The following CHSY1 variants were observed in gnomAD, a reference collection of about 807,000 sequenced individuals.
CHSY1 encodes chondroitin sulfate synthase 1.
CHSY1 carries 13 observed loss-of-function variants against 59.8 expected under a neutral mutation model. That is an observed-to-expected ratio of 0.22 (90% CI 0.14 to 0.35). CHSY1 has a LOEUF of 0.35. Among genes scored for constraint, CHSY1 ranks in the 10% least tolerant of loss-of-function variants. The pLI is 1.00. For synonymous variants in CHSY1, 459 were observed against 401.2 expected (o/e 1.14, Z -1.72); for missense variants, 947 against 1,030.6 (o/e 0.92, Z 1.11).
intron 1 of CHSY1, among the ~76,000 whole-genome samples, chr15:101,248,856 G>A (rs1324941755): frequency 6.6e-6 from 1 of 151,904 alleles, no homozygotes; most frequent in Admixed American, 6.6e-5. Context: ...ACGCAATCTC[G>A]GGTCACAGCA....
In CHSY1 at chr15:101,251,249, G is replaced by A. The variant is rs756078543; in HGVS notation, c.208C>T (p.Leu70Phe). ...GARGDARGAQ[L>F]WPPGSDPDGG... The stretch of plus-strand genomic sequence containing the variant: ...TCTGGGTCCGAGCCGGGCGGCCAGA[G>A]CTGCGCCCCGCGCGCATCGCCGCGC... The change falls in exon 1 of 3, where the codon CTC becomes TTC. Residue 70 changes from leucine to phenylalanine, a missense_variant. By Grantham distance (22) the Leu-to-Phe change is conservative. This residue lies in a region of CHSY1 where 232 missense variants were observed against 188.5 expected (regional missense o/e 1.23). Coordinates refer to ENST00000254190, the MANE Select transcript of CHSY1 (RefSeq NM_014918.5). 16 of 1,443,926 alleles carry A rather than the reference G, an allele frequency of 1.1e-5. No homozygotes were observed. In the African/African-American group the frequency reaches 1.5e-4, roughly 13 times the overall value. 89.4% of individuals were successfully genotyped at this position (1,443,926 alleles called of 1,614,324 possible). A position where few individuals can be genotyped will look rare whatever the true frequency, so the allele number is the denominator to read the frequency against.
chr15:101,243,483 C>T (rs1419737716), intron 1 of CHSY1, among the ~76,000 whole-genome samples: 1 of 152,154 alleles, frequency 6.6e-6, no homozygotes, highest in Non-Finnish European at 1.5e-5. Context: ...ACTGAGGCAC[C>T]GTCCTCTATA....
At chr15:101,240,167 GT>G (rs2038988361) in intron 1 of CHSY1, among the ~76,000 whole-genome samples, 2 of 152,158 alleles carry the variant, frequency 1.3e-5, no homozygotes, top group African/African-American at 4.8e-5. Flanking sequence ...TCAAGTCTTT[GT>G]AAACCCTCCA....
chr15:101,212,687 A>G (rs778072330), intron 2 of CHSY1, among the ~76,000 whole-genome samples: 2 of 152,234 alleles, frequency 1.3e-5, no homozygotes, highest in Non-Finnish European at 1.5e-5. Flanking sequence ...GGGTTACTAC[A>G]TGTGTATGCA....
At position 101,248,262 on chromosome 15, in the gene CHSY1, G is replaced by T. The variant is rs74332683; in HGVS notation, c.320+2875C>A. Among the ~76,000 whole-genome samples the T allele has an allele frequency of 3.0e-3, 464 of 152,248 alleles. 4 individuals are homozygous for T. The highest frequency in any genetic ancestry group is 0.011 in the African/African-American group (447 of 41,542). On this transcript the variant is annotated intron_variant, in intron 1 of 2. Transcript: ENST00000254190. The stretch of plus-strand genomic sequence containing the variant: ...TGGGCTGCAAAGCACAGTAAAACTG[G>T]AATCATATGTTATACCCTATAACCT...
At chr15:101,194,148 C>T (rs1418387476) in intron 2 of CHSY1, among the ~76,000 whole-genome samples, 2 of 152,224 alleles carry the variant, frequency 1.3e-5, no homozygotes, top group Non-Finnish European at 2.9e-5. Context: ...GGAGCGCCTT[C>T]GGCAGGAAAG....
At chr15:101,231,126 C>T (rs2038888861) in intron 2 of CHSY1, among the ~76,000 whole-genome samples, 1 of 152,108 alleles carries the variant, frequency 6.6e-6, no homozygotes, top group African/African-American at 2.4e-5. Context: ...AACAGCAGCC[C>T]TTGGAGGCAG....
Position 101,177,985 on chromosome 15 carries a change from C to T in CHSY1, c.1812G>A (p.Val604=), listed in dbSNP as rs3803422. Residue 604 remains valine (V), a synonymous_variant, in exon 3 of 3, where the codon GTG becomes GTA. Coordinates refer to ENST00000254190, the MANE Select transcript of CHSY1 (RefSeq NM_014918.5). Reference sequence around the variant, plus strand: ...CCAGGGCTCTTGAAAACTCTCCAGACACAGGCAAAATCTGCATGTCGGCTT... The same window carrying T: ...CCAGGGCTCTTGAAAACTCTCCAGATACAGGCAAAATCTGCATGTCGGCTT... ...YPKADMQILP[V]SGEFSRALAL... is the part of the protein sequence containing the mutation. 24,786 of 1,614,176 alleles carry T rather than the reference C, an allele frequency of 0.015. 335 individuals are homozygous for T. Among genetic ancestry groups the T allele is most frequent in the East Asian group, 0.058 (2,602 of 44,880 alleles).
Position 101,249,485 on chromosome 15 carries a change from CTCTA to C in CHSY1, c.320+1648_320+1651del, listed in dbSNP as rs769974073. The stretch of plus-strand genomic sequence containing the variant: ...CAAATCACTGCACTAGTCTATGTAT[CTCTA>C]TCTATCGATCGATAGATAGAATTTT... On this transcript the variant is annotated intron_variant, in intron 1 of 2. Coordinates refer to ENST00000254190, the MANE Select transcript of CHSY1 (RefSeq NM_014918.5). 4.7e-4 allele frequency among the ~76,000 whole-genome samples: 68 copies of C among 145,848 alleles called. 1 individual carries two copies. Among genetic ancestry groups the C allele is most frequent in the Non-Finnish European group, 6.3e-4 (42 of 67,032 alleles).
rs765634861 is a variant in CHSY1 at position 101,178,490 on chromosome 15, T to C, written c.1307A>G (p.Tyr436Cys). 20 of 1,614,224 alleles carry C rather than the reference T, an allele frequency of 1.2e-5. No homozygotes were observed. The African/African-American group carries it at 2.1e-4, about 17-fold the overall frequency. Residue 436 changes from tyrosine (Y) to cysteine (C), a missense_variant, in exon 3 of 3, where the codon TAC (tyrosine) becomes TGC (cysteine). This residue lies in a region of CHSY1 where 602 missense variants were observed against 676.9 expected (regional missense o/e 0.89). Transcript: ENST00000254190. ...CCCATACATGGGGTTCACCCGGCGG[T>C]AGCCGTACTGGATCTCTTTGAAGTC... Reference protein sequence around the residue: ...IIDFKEIQYGYRRVNPMYGAE... With the variant: ...IIDFKEIQYGCRRVNPMYGAE...
intron 2 of CHSY1, among the ~76,000 whole-genome samples, chr15:101,234,012 A>C (rs1288239641): frequency 6.6e-6 from 1 of 152,208 alleles, no homozygotes; most frequent in African/African-American, 2.4e-5. Flanking sequence ...CCTAAAGACA[A>C]TACAACCTCA....
chr15:101,203,565 T>C (rs2038594172), intron 2 of CHSY1, among the ~76,000 whole-genome samples: 1 of 152,190 alleles, frequency 6.6e-6, no homozygotes, highest in African/African-American at 2.4e-5. Context: ...ACAGGAGGAA[T>C]AGGATATCTC....
chr15:101,208,138 G>A (rs912583962), intron 2 of CHSY1, among the ~76,000 whole-genome samples: 3 of 152,204 alleles, frequency 2.0e-5, no homozygotes, highest in Admixed American at 6.5e-5. Flanking sequence ...ACCCTTTGGG[G>A]TTGAAATGGG....
chr15:101,238,635 A>G (rs1223784364), intron 1 of CHSY1, among the ~76,000 whole-genome samples: 1 of 152,268 alleles, frequency 6.6e-6, no homozygotes, highest in East Asian at 1.9e-4. Context: ...TCAAAATCAC[A>G]GAATGGATAT....
chr15:101,248,634 T>A (rs897782639), intron 1 of CHSY1, among the ~76,000 whole-genome samples: 9 of 151,746 alleles, frequency 5.9e-5, no homozygotes, highest in Non-Finnish European at 1.2e-4. Flanking sequence ...GAAAAAAAAA[T>A]AATAAATAAA....
Position 101,197,592 on chromosome 15 carries a change from G to A in CHSY1, c.817-18612C>T, listed in dbSNP as rs529267401. Among the ~76,000 whole-genome samples the A allele has an allele frequency of 1.8e-4, 27 of 151,962 alleles. No individual in the cohort carries two copies. The South Asian group carries it at 4.8e-3, about 27-fold the overall frequency. On this transcript the variant is annotated intron_variant, in intron 2 of 2. Coordinates refer to ENST00000254190, the MANE Select transcript of CHSY1 (RefSeq NM_014918.5). Reference sequence around the variant, plus strand: ...AATATCTAAGGACACCCCAAATTACGGCATTTATATAATGTTAAATTATAA... The same window carrying A: ...AATATCTAAGGACACCCCAAATTACAGCATTTATATAATGTTAAATTATAA...
intron 2 of CHSY1, among the ~76,000 whole-genome samples, chr15:101,203,174 C>T (rs577374281): frequency 6.6e-6 from 1 of 152,258 alleles, no homozygotes; most frequent in African/African-American, 2.4e-5. Flanking sequence ...AAACCACAAA[C>T]CCCTGAAATA....
chr15:101,182,740 C>A (rs975292106), intron 2 of CHSY1, among the ~76,000 whole-genome samples: 3 of 152,150 alleles, frequency 2.0e-5, no homozygotes, highest in Non-Finnish European at 4.4e-5. Flanking sequence ...AGTCTGCCAA[C>A]AAAAACATCA....
chr15:101,177,076 T>C lies in CHSY1; in HGVS notation c.*312A>G, dbSNP rs2038200186. On this transcript the variant is annotated 3_prime_UTR_variant, in exon 3 of 3. Transcript: ENST00000254190. ...GTTACAATAATACTTTGCAGGAATG[T>C]TCACGTTTTCTGCCATAGGACTGGA... 1 of 244,378 alleles carries C rather than the reference T, an allele frequency of 4.1e-6. No homozygotes were observed. Among genetic ancestry groups the C allele is most frequent in the East Asian group, 9.1e-5 (1 of 11,044 alleles). 15.1% of individuals were successfully genotyped at this position (244,378 alleles called of 1,614,324 possible). A position where few individuals can be genotyped will look rare whatever the true frequency, so the allele number is the denominator to read the frequency against.
Sources: allele counts gnomAD v4.1 joint callset (sites outside exome capture counted in the v4.1 genomes callset), GRCh38; gene constraint gnomAD v4.1.1; regional missense constraint gnomAD v4.1.1; transcripts MANE v1.5; gene names NCBI Gene and HGNC (gene_info 2026-07-23, HGNC 2026-07-21).